MYRIP: variants seen among roughly 807,000 people sequenced by gnomAD.
MYRIP encodes rab effector MyRIP.
In MYRIP, 49 loss-of-function variants were observed where a neutral mutation model predicts 98.0. The observed-to-expected ratio is 0.50, with a 90% CI of 0.40 to 0.63. The LOEUF (loss-of-function observed/expected upper bound fraction) is 0.63. Among genes scored for constraint, MYRIP ranks in the 30% least tolerant of loss-of-function variants. The probability of loss-of-function intolerance (pLI) is 0.00; values close to 1 mark genes in which losing one functional copy is unlikely to be tolerated. For synonymous variants in MYRIP, 404 were observed against 409.5 expected, an observed-to-expected ratio of 0.99 and a Z score of 0.16; for missense variants, 1,004 against 1,058.2, an observed-to-expected ratio of 0.95 and a Z score of 0.71.
At chr3:40,240,759 C>T (rs573483904) in intron 12 of MYRIP, among the ~76,000 whole-genome samples, 1 of 152,296 alleles carries the variant, frequency 6.6e-6, no homozygotes, top group East Asian at 1.9e-4. Context: ...GGCTCAGTTC[C>T]TTGGGCTGAA....
chr3:39,896,302 G>A (rs537527902), intron 1 of MYRIP, among the ~76,000 whole-genome samples: 2 of 152,274 alleles, frequency 1.3e-5, no homozygotes, highest in East Asian at 3.9e-4. Flanking sequence ...CCAGTGGTGT[G>A]ACCCTGTCTG....
chr3:39,828,403 T>C (rs543631839), intron 1 of MYRIP, among the ~76,000 whole-genome samples: 39 of 152,138 alleles, frequency 2.6e-4, no homozygotes, highest in Non-Finnish European at 4.3e-4. Context: ...ATTAGTCTGT[T>C]GTATTGTCTT....
At chr3:40,101,659 A>G (rs553507813) in intron 3 of MYRIP, among the ~76,000 whole-genome samples, 22 of 152,190 alleles carry the variant, frequency 1.4e-4, no homozygotes, top group African/African-American at 4.6e-4. Context: ...TCAAGTGTTT[A>G]ATTTACACAA....
intron 11 of MYRIP, among the ~76,000 whole-genome samples, chr3:40,214,547 A>C (rs1952059418): frequency 6.6e-6 from 1 of 152,250 alleles, no homozygotes; most frequent in East Asian, 1.9e-4. Context: ...GCTGGGGCCC[A>C]GTGATTACTT....
chr3:39,960,995 A>G (rs145072939), intron 2 of MYRIP, among the ~76,000 whole-genome samples: 1 of 152,276 alleles, frequency 6.6e-6, no homozygotes, highest in Non-Finnish European at 1.5e-5. Flanking sequence ...ATGGAATGGC[A>G]CTTCGCAATC....
intron 13 of MYRIP, among the ~76,000 whole-genome samples, chr3:40,247,649 G>A (rs1048913604): frequency 3.9e-5 from 6 of 152,058 alleles, no homozygotes; most frequent in African/African-American, 1.2e-4. Context: ...TCAGCCTCCC[G>A]AGTAGCTGGG....
Position 40,132,197 on chromosome 3 carries a change from G to C in MYRIP, c.333-18851G>C, listed in dbSNP as rs150433443. Among the ~76,000 whole-genome samples the C allele has an allele frequency of 2.5e-4, 38 of 152,264 alleles. No homozygotes were observed. The East Asian group carries it at 6.2e-3, about 25-fold the overall frequency. On this transcript the variant is annotated intron_variant, in intron 3 of 16. Coordinates refer to ENST00000302541, the MANE Select transcript of MYRIP (RefSeq NM_015460.4). ...TGAGAGGGATTAAAAAAAAGACTTA[G>C]AGGGTTTAGAAAATATGCTGTTGTC...
intron 3 of MYRIP, among the ~76,000 whole-genome samples, chr3:40,140,535 C>T (rs1949869273): frequency 6.6e-6 from 1 of 152,180 alleles, no homozygotes; most frequent in African/African-American, 2.4e-5. Context: ...TGAGGGACCT[C>T]CACACTGTTC....
At chr3:39,905,258 C>T (rs556826747) in intron 2 of MYRIP, among the ~76,000 whole-genome samples, 1 of 152,212 alleles carries the variant, frequency 6.6e-6, no homozygotes, top group South Asian at 2.1e-4. Context: ...AGCCTAAGTC[C>T]TCTGCTCCAT....
chr3:39,975,253 A>T (rs1344406135), intron 2 of MYRIP, among the ~76,000 whole-genome samples: 2 of 152,132 alleles, frequency 1.3e-5, no homozygotes, highest in African/African-American at 4.8e-5. Flanking sequence ...TACACCAATA[A>T]CAGACAAACA....
At chr3:40,064,343 G>T (rs1948084425) in intron 3 of MYRIP, among the ~76,000 whole-genome samples, 1 of 151,788 alleles carries the variant, frequency 6.6e-6, no homozygotes, top group Non-Finnish European at 1.5e-5. Context: ...GGGGCAAAAA[G>T]TGGCCTTTGG....
At chr3:39,811,974 C>T (rs9814446) in intron 1 of MYRIP, among the ~76,000 whole-genome samples, 28,824 of 152,134 alleles carry the variant, frequency 0.19, 2,828 homozygotes, top group South Asian at 0.29. Flanking sequence ...CTGATTTTGC[C>T]TTCGAATTAT....
At chr3:40,009,502 A>T (rs1357947568) in intron 2 of MYRIP, among the ~76,000 whole-genome samples, 1 of 152,136 alleles carries the variant, frequency 6.6e-6, no homozygotes, top group East Asian at 1.9e-4. Flanking sequence ...TCGGCCTCCC[A>T]AAGTGCTGGG....
intron 2 of MYRIP, among the ~76,000 whole-genome samples, chr3:40,024,386 T>A (rs1947074662): frequency 6.6e-6 from 1 of 152,030 alleles, no homozygotes; most frequent in Admixed American, 6.6e-5. Flanking sequence ...GAAGCAGACA[T>A]AGCTGGAGAT....
chr3:40,236,796 G>A (rs537272431), intron 12 of MYRIP, among the ~76,000 whole-genome samples: 6 of 152,218 alleles, frequency 3.9e-5, no homozygotes, highest in Non-Finnish European at 7.4e-5. Context: ...TGCTTTTGAG[G>A]TGCTCTAATG....
At chr3:40,149,559 A>G (rs1026342093) in intron 3 of MYRIP, among the ~76,000 whole-genome samples, 4 of 152,252 alleles carry the variant, frequency 2.6e-5, no homozygotes, top group Non-Finnish European at 5.9e-5. Flanking sequence ...TTTTGGGCCT[A>G]AGACCAATCA....
rs143293109 is a variant in MYRIP, at chr3:40,119,440, A to G, written c.333-31608A>G. On this transcript the variant is annotated intron_variant, in intron 3 of 16. Transcript: ENST00000302541. The stretch of plus-strand genomic sequence containing the variant: ...TTTGTGCAGAAAAAGGGCAAAGGGA[A>G]TATTTTTTAGTATTTTCTTATGTGT... Among the ~76,000 whole-genome samples the G allele has an allele frequency of 4.6e-3, 699 of 152,330 alleles. 17 individuals carry two copies. The highest frequency in any genetic ancestry group is 0.028 in the East Asian group (143 of 5,188).
At chr3:40,222,801 T>C (rs928526581) in intron 11 of MYRIP, among the ~76,000 whole-genome samples, 3 of 152,224 alleles carry the variant, frequency 2.0e-5, no homozygotes, top group African/African-American at 7.2e-5. Flanking sequence ...TATAGCAATC[T>C]TGAACACAGT....
chr3:39,824,659 T>G (rs950752861), intron 1 of MYRIP, among the ~76,000 whole-genome samples: 3 of 152,100 alleles, frequency 2.0e-5, no homozygotes, highest in Admixed American at 2.0e-4. Flanking sequence ...GATTTCTTTT[T>G]CAGATAGTTG....
Sources: allele counts gnomAD v4.1 joint callset (sites outside exome capture counted in the v4.1 genomes callset), GRCh38; gene constraint gnomAD v4.1.1; transcripts MANE v1.5; gene names NCBI Gene and HGNC (gene_info 2026-07-23, HGNC 2026-07-21).